SDK1: variants seen among roughly 807,000 people sequenced by gnomAD.
SDK1 encodes protein sidekick-1.
In SDK1, 157 loss-of-function variants were observed where a neutral mutation model predicts 245.5. That is an observed-to-expected ratio of 0.64 (90% CI 0.56 to 0.73). The LOEUF (loss-of-function observed/expected upper bound fraction) is 0.73, where lower values mean the gene tolerates loss of function less well. Among genes scored for constraint, SDK1 ranks in the 30% least tolerant of loss-of-function variants. SDK1 has a pLI of 0.00. For missense variants in SDK1, 3,583 were observed against 3,002.3 expected (o/e 1.19, Z -4.52); for synonymous variants, 1,647 against 1,278.5 (o/e 1.29, Z -6.15).
At chr7:3,416,139 A>T (rs1779359653) in intron 1 of SDK1, among the ~76,000 whole-genome samples, 1 of 152,178 alleles carries the variant, frequency 6.6e-6, no homozygotes, top group Non-Finnish European at 1.5e-5. Context: ...TTTTATCTTC[A>T]TTGTCAAGGT....
At chr7:3,951,207 A>G (rs1780804991) in intron 6 of SDK1, among the ~76,000 whole-genome samples, 173 bp downstream of exon 6, 1 of 152,000 alleles carries the variant, frequency 6.6e-6, no homozygotes. Flanking sequence ...GGACACACTG[A>G]TGTCTTCCAG....
intron 1 of SDK1, among the ~76,000 whole-genome samples, chr7:3,523,325 A>G (rs966562145): frequency 6.6e-6 from 1 of 152,168 alleles, no homozygotes; most frequent in Admixed American, 6.6e-5. Flanking sequence ...TCCTAGAGAT[A>G]CAGTCTGTGC....
chr7:3,387,487 A>G (rs902653420), intron 1 of SDK1, among the ~76,000 whole-genome samples: 4 of 152,210 alleles, frequency 2.6e-5, no homozygotes, highest in African/African-American at 9.6e-5. Context: ...CCTGTTTATA[A>G]CAGAATCTGA....
chr7:3,447,896 G>C (rs188760707), intron 1 of SDK1, among the ~76,000 whole-genome samples: 1 of 151,740 alleles, frequency 6.6e-6, no homozygotes, highest in Non-Finnish European at 1.5e-5. Context: ...TAGAGACAGG[G>C]TTTCTCCATG....
chr7:3,864,733 C>A (rs574125366), intron 5 of SDK1, among the ~76,000 whole-genome samples: 1 of 152,076 alleles, frequency 6.6e-6, no homozygotes, highest in African/African-American at 2.4e-5. Flanking sequence ...GAAGGAGCCC[C>A]AGGGAATACA....
chr7:3,720,707 G>A (rs768301378), intron 4 of SDK1, among the ~76,000 whole-genome samples: 5 of 152,168 alleles, frequency 3.3e-5, no homozygotes, highest in Admixed American at 6.5e-5. Flanking sequence ...TGACCCATGG[G>A]TGCTTACTTT....
chr7:3,650,941 A>T (rs1001059066), intron 4 of SDK1, among the ~76,000 whole-genome samples: 2 of 151,172 alleles, frequency 1.3e-5, no homozygotes, highest in Non-Finnish European at 2.9e-5. Flanking sequence ...CATAATGTGT[A>T]GTTTATAATC....
chr7:3,529,559 TG>T (rs1276319627), intron 1 of SDK1, among the ~76,000 whole-genome samples: 1 of 152,028 alleles, frequency 6.6e-6, no homozygotes, highest in African/African-American at 2.4e-5. Context: ...TTGTTGTTGT[TG>T]TTGTTGTTGT....
intron 4 of SDK1, among the ~76,000 whole-genome samples, chr7:3,743,112 G>A (rs142530499): frequency 3.3e-5 from 5 of 152,286 alleles, no homozygotes; most frequent in African/African-American, 1.2e-4. Flanking sequence ...AATGCGATAG[G>A]CCTTGGGTGC....
chr7:3,662,720 A>G (rs1783404798), intron 4 of SDK1, among the ~76,000 whole-genome samples: 1 of 152,222 alleles, frequency 6.6e-6, no homozygotes, highest in Non-Finnish European at 1.5e-5. Context: ...CGTATATACA[A>G]ATTATATACA....
rs117504728 is a variant in SDK1, at chr7:4,265,305, C to A, written c.6563C>A (p.Thr2188Lys). 1.2e-3 allele frequency: 1,867 copies of A among 1,566,182 alleles called. 36 individuals are homozygous for A. In the East Asian group the frequency reaches 0.038, roughly 32 times the overall value. The stretch of plus-strand genomic sequence containing the variant: ...GCGCAGCTGCACCCGGTCATCACCA[C>A]GCAGAGCGCGGGCGGCGTCTACACC... ...AGAQLHPVIT[T>K]QSAGGVYTPA... Residue 2188 changes from threonine to lysine, a missense_variant, in exon 45 of 45, where the codon ACG (threonine) becomes AAG (lysine). Thr to Lys is a moderately conservative substitution (Grantham distance 78). Transcript: ENST00000404826.
At chr7:3,931,843 A>C (rs1259686847) in intron 5 of SDK1, among the ~76,000 whole-genome samples, 1 of 152,210 alleles carries the variant, frequency 6.6e-6, no homozygotes, top group Non-Finnish European at 1.5e-5. Flanking sequence ...CTCCTATTAG[A>C]AGCTTTGGGA....
At chr7:4,239,978 A>T (rs1234985623) in intron 42 of SDK1, among the ~76,000 whole-genome samples, 4 of 152,170 alleles carry the variant, frequency 2.6e-5, no homozygotes, top group African/African-American at 4.8e-5. Context: ...GTCACCTAAA[A>T]TGCCTCCTTA....
chr7:3,332,543 A>G (rs1780094973), intron 1 of SDK1, among the ~76,000 whole-genome samples: 1 of 152,062 alleles, frequency 6.6e-6, no homozygotes, highest in African/African-American at 2.4e-5. Context: ...GGAGTCTGTT[A>G]TCTATTTGGA....
chr7:4,254,917 C>T (rs575008112), intron 44 of SDK1, among the ~76,000 whole-genome samples: 5 of 152,244 alleles, frequency 3.3e-5, no homozygotes, highest in African/African-American at 7.2e-5. Flanking sequence ...TTTGCCTGTC[C>T]CCATTAAGAT....
chr7:3,886,100 G>T (rs1323583979), intron 5 of SDK1, among the ~76,000 whole-genome samples: 1 of 152,204 alleles, frequency 6.6e-6, no homozygotes, highest in East Asian at 1.9e-4. Context: ...CTGCAGCTCA[G>T]CCCCTCAGGA....
intron 1 of SDK1, among the ~76,000 whole-genome samples, chr7:3,602,929 T>C (rs2128639296): frequency 6.6e-6 from 1 of 152,294 alleles, no homozygotes; most frequent in Non-Finnish European, 1.5e-5. Flanking sequence ...ATTTATTAAA[T>C]AGGGAATCCT....
At position 3,783,327 on chromosome 7, in the gene SDK1, T is replaced by C. The variant is rs180753047; in HGVS notation, c.714-38123T>C. ...CAAACATGCCTATTCTTGCCACTTA[T>C]ATTTAACATAGCATTGGAAGTCCTC... On this transcript the variant is annotated intron_variant, in intron 4 of 44. Transcript: ENST00000404826. 1.2e-4 allele frequency among the ~76,000 whole-genome samples: 19 copies of C among 152,260 alleles called. No individual in the cohort carries two copies. In the East Asian group the frequency reaches 1.7e-3, roughly 14 times the overall value.
At chr7:3,877,168 A>G (rs1367589808) in intron 5 of SDK1, among the ~76,000 whole-genome samples, 2 of 152,202 alleles carry the variant, frequency 1.3e-5, no homozygotes, top group Non-Finnish European at 2.9e-5. Flanking sequence ...ACAACTCATC[A>G]GAGTGGCCAC....
Sources: allele counts gnomAD v4.1 joint callset (sites outside exome capture counted in the v4.1 genomes callset), GRCh38; gene constraint gnomAD v4.1.1; transcripts MANE v1.5; gene names NCBI Gene and HGNC (gene_info 2026-07-23, HGNC 2026-07-21).